GLRA3: variants seen among roughly 807,000 people sequenced by gnomAD.
The protein encoded by GLRA3 is glycine receptor alpha 3.
In GLRA3, 44 loss-of-function variants were observed where a neutral mutation model predicts 60.4. The observed-to-expected ratio is 0.73, with a 90% CI of 0.57 to 0.94. The LOEUF is 0.94. Ranked by LOEUF, GLRA3 falls within the 40% of genes least tolerant of loss-of-function variation. The pLI is 0.00. For synonymous variants in GLRA3, 223 were observed against 192.9 expected (o/e 1.16, Z -1.29); for missense variants, 508 against 564.6 (o/e 0.90, Z 1.02).
At chr4:174,732,658 T>C (rs1309650418) in intron 3 of GLRA3, among the ~76,000 whole-genome samples, 1 of 152,062 alleles carries the variant, frequency 6.6e-6, no homozygotes, top group Non-Finnish European at 1.5e-5. Context: ...TTTCCAATGA[T>C]GAGGATGAAT....
At chr4:174,742,033 T>C (rs1737048178) in intron 3 of GLRA3, among the ~76,000 whole-genome samples, 1 of 152,086 alleles carries the variant, frequency 6.6e-6, no homozygotes, top group Non-Finnish European at 1.5e-5. Flanking sequence ...ATGGTTTTTG[T>C]GAGAGTAATG....
chr4:174,691,701 G>T (rs1355306628), intron 5 of GLRA3, among the ~76,000 whole-genome samples: 2 of 152,166 alleles, frequency 1.3e-5, no homozygotes, highest in East Asian at 3.9e-4. Flanking sequence ...GTGCTCAATG[G>T]TGCCCAGGCT....
intron 2 of GLRA3, among the ~76,000 whole-genome samples, chr4:174,785,347 T>C (rs1739080524): frequency 6.6e-6 from 1 of 151,850 alleles, no homozygotes; most frequent in South Asian, 2.1e-4. Flanking sequence ...TCAAAATAAA[T>C]TTTCTTTCAA....
intron 5 of GLRA3, among the ~76,000 whole-genome samples, chr4:174,690,480 TTTTG>T (rs1248383851): frequency 3.9e-5 from 6 of 152,146 alleles, no homozygotes; most frequent in African/African-American, 1.4e-4. Context: ...GTTGTGTAGT[TTTTG>T]TTTGTTATTA....
intron 7 of GLRA3, among the ~76,000 whole-genome samples, chr4:174,668,931 T>C (rs987599546): frequency 6.6e-6 from 1 of 152,128 alleles, no homozygotes; most frequent in Non-Finnish European, 1.5e-5. Context: ...TCAATCCTGG[T>C]GGATTGCCCT....
chr4:174,794,128 T>C lies in GLRA3; in HGVS notation c.72-5185A>G, dbSNP rs930370108. On this transcript the variant is annotated intron_variant, in intron 1 of 9. Transcript: ENST00000274093. ...TCCAAATGTTACAATTGAACATTAA[T>C]CTTAAAATAGAATAAGAAAATAAAA... is the stretch of plus-strand genomic sequence containing the variant. Among the ~76,000 whole-genome samples, 8 of 151,320 alleles carry C rather than the reference T, an allele frequency of 5.3e-5. No individual in the cohort carries two copies. In the East Asian group the frequency reaches 1.5e-3, roughly 29 times the overall value.
rs754669500 is a variant in GLRA3, at chr4:174,642,414, T to C, written c.*1372A>G. On this transcript the variant is annotated 3_prime_UTR_variant, in exon 10 of 10. Coordinates refer to ENST00000274093, the MANE Select transcript of GLRA3 (RefSeq NM_006529.4). ...CAATAATTAAAATACCTAAAAAGCATTCCAAAGCTTTTCCAAATAAATTTA... is the reference window on the plus strand; with the variant it reads ...CAATAATTAAAATACCTAAAAAGCACTCCAAAGCTTTTCCAAATAAATTTA... 1 of 965,408 alleles carries C rather than the reference T, an allele frequency of 1.0e-6. No homozygotes were observed. The highest frequency in any genetic ancestry group is 1.2e-6 in the Non-Finnish European group (1 of 811,848). The allele number at this position is 965,408 out of a possible 1,614,324, so 59.8% of individuals were successfully genotyped here.
intron 7 of GLRA3, among the ~76,000 whole-genome samples, chr4:174,665,140 A>G (rs1241758654): frequency 6.6e-6 from 1 of 151,944 alleles, no homozygotes; most frequent in Non-Finnish European, 1.5e-5. Flanking sequence ...CAGTTTCTTA[A>G]TTGCTTATTA....
intron 1 of GLRA3, 90 bp downstream of exon 1, chr4:174,828,651 C>T: frequency 1.3e-6 from 1 of 793,358 alleles, no homozygotes; most frequent in South Asian, 1.5e-5. Flanking sequence ...TATAGAATTG[C>T]AAATTTCCCG....
intron 2 of GLRA3, among the ~76,000 whole-genome samples, chr4:174,768,223 G>C (rs1287345199): frequency 1.3e-5 from 2 of 152,114 alleles, no homozygotes; most frequent in Admixed American, 1.3e-4. Flanking sequence ...TTGCAAGGCT[G>C]CTGTGGAACT....
chr4:174,809,808 T>A lies in GLRA3; in HGVS notation c.71+18933A>T, dbSNP rs28524535. The stretch of plus-strand genomic sequence containing the variant: ...TAACTCAGTATAAGGGAGGTAGGAC[T>A]AAAGAATGCTATGAACAGCATTAGA... On this transcript the variant is annotated intron_variant, in intron 1 of 9. Coordinates refer to ENST00000274093, the MANE Select transcript of GLRA3 (RefSeq NM_006529.4). 9.8e-3 allele frequency among the ~76,000 whole-genome samples: 1,489 copies of A among 152,264 alleles called. 24 individuals carry two copies. The highest frequency in any genetic ancestry group is 0.033 in the African/African-American group (1,391 of 41,556).
intron 5 of GLRA3, among the ~76,000 whole-genome samples, chr4:174,690,589 ATAT>A (rs1187059121): frequency 6.6e-6 from 1 of 152,156 alleles, no homozygotes; most frequent in Non-Finnish European, 1.5e-5. Flanking sequence ...TTTGCTGTAC[ATAT>A]TATTTCATCA....
chr4:174,796,150 T>C (rs1259722732), intron 1 of GLRA3, among the ~76,000 whole-genome samples: 2 of 152,070 alleles, frequency 1.3e-5, no homozygotes, highest in East Asian at 3.9e-4. Flanking sequence ...ATGAGATTAG[T>C]GCCTTTATGA....
chr4:174,824,293 A>G (rs1740867851), intron 1 of GLRA3, among the ~76,000 whole-genome samples: 2 of 152,222 alleles, frequency 1.3e-5, no homozygotes, highest in South Asian at 4.1e-4. Flanking sequence ...CTTTTATTCT[A>G]GTAGTGTGTC....
chr4:174,812,533 T>C (rs1221030411), intron 1 of GLRA3, among the ~76,000 whole-genome samples: 1 of 151,794 alleles, frequency 6.6e-6, no homozygotes, highest in Non-Finnish European at 1.5e-5. Flanking sequence ...GAAAATGGCA[T>C]AGAACAAAGG....
intron 3 of GLRA3, among the ~76,000 whole-genome samples, chr4:174,760,915 T>A (rs1737919953): frequency 6.6e-6 from 1 of 151,900 alleles, no homozygotes; most frequent in Non-Finnish European, 1.5e-5. Context: ...AAGCATGGAG[T>A]ATCTCAAAAA....
At chr4:174,668,304 A>G (rs1733756542) in intron 7 of GLRA3, among the ~76,000 whole-genome samples, 2 of 152,194 alleles carry the variant, frequency 1.3e-5, no homozygotes, top group African/African-American at 4.8e-5. Flanking sequence ...GATGGTTTGC[A>G]TATATCTCAG....
At chr4:174,790,536 A>C (rs1363532881) in intron 1 of GLRA3, among the ~76,000 whole-genome samples, 1 of 152,076 alleles carries the variant, frequency 6.6e-6, no homozygotes, top group African/African-American at 2.4e-5. Flanking sequence ...TTGTAGCTAC[A>C]TGCTGCTGCT....
intron 7 of GLRA3, among the ~76,000 whole-genome samples, chr4:174,667,782 C>G (rs184155203): frequency 2.6e-5 from 4 of 152,282 alleles, no homozygotes; most frequent in African/African-American, 9.6e-5. Context: ...GTTAACCATA[C>G]TGCTCATCCC....
Sources: gnomAD v4.1 joint callset for allele counts (sites outside exome capture counted in the v4.1 genomes callset) on GRCh38, gnomAD v4.1.1 for gene constraint, MANE v1.5 for transcripts, NCBI Gene and HGNC (gene_info 2026-07-23, HGNC 2026-07-21) for gene names.